Variants in SPTLC2 observed in about 807,000 individuals in gnomAD.
The protein encoded by SPTLC2 is serine palmitoyltransferase 2.
In SPTLC2, 21 loss-of-function variants were observed where a neutral mutation model predicts 62.0. The ratio of observed to expected loss-of-function variants is 0.34; its 90% CI spans 0.24 to 0.49. SPTLC2 has a LOEUF of 0.49. Ranked by LOEUF, SPTLC2 falls within the 20% of genes least tolerant of loss-of-function variation. The pLI, the probability that SPTLC2 is intolerant of heterozygous loss-of-function variation, is 0.99. For synonymous variants in SPTLC2, 261 were observed against 261.8 expected, an observed-to-expected ratio of 1.00 and a Z score of 0.03; for missense variants, 511 against 713.0, an observed-to-expected ratio of 0.72 and a Z score of 3.23.
intron 5 of SPTLC2, among the ~76,000 whole-genome samples, chr14:77,568,807 C>CA (rs35640441): frequency 0.03 from 1,894 of 62,298 alleles, 34 homozygotes; most frequent in African/African-American, 0.074. Context: ...GACTCTGTCT[C>CA]AAAAAAAAAA....
Position 77,579,128 on chromosome 14 carries a change from A to C in SPTLC2, c.328-19T>G, listed in dbSNP as rs1367128563. 1.2e-6 allele frequency: 2 copies of C among 1,613,574 alleles called. No homozygotes were observed. The highest frequency in any genetic ancestry group is 8.5e-7 in the Non-Finnish European group (1 of 1,179,764). On this transcript the variant is annotated intron_variant, in intron 2 of 11. Transcript: ENST00000216484. ...CAAAGTCCTGCCAAGAAATGGTGAC[A>C]TACCATAAATTTAACTGAGTTACTT...
At chr14:77,596,755 A>C (rs919495261) in intron 2 of SPTLC2, among the ~76,000 whole-genome samples, 2 of 152,208 alleles carry the variant, frequency 1.3e-5, no homozygotes, top group Non-Finnish European at 2.9e-5. Flanking sequence ...CTATGAGAAA[A>C]CACATTATTA....
In SPTLC2 at chr14:77,576,925, A is replaced by C; in HGVS notation, c.483-10T>G. ...TATATTCCCTGTATACCTGTGCATC[A>C]ATAGCATAAAACAATGAAACTCATG... On this transcript the variant is annotated splice_polypyrimidine_tract_variant and intron_variant, in intron 3 of 11. Coordinates refer to ENST00000216484, the MANE Select transcript of SPTLC2 (RefSeq NM_004863.4). 1 of 1,614,140 alleles carries C rather than the reference A, an allele frequency of 6.2e-7. No individual in the cohort carries two copies. The highest frequency in any genetic ancestry group is 8.5e-7 in the Non-Finnish European group (1 of 1,180,014).
At chr14:77,558,381 G>T (rs2079596725) in intron 6 of SPTLC2, among the ~76,000 whole-genome samples, 1 of 152,132 alleles carries the variant, frequency 6.6e-6, no homozygotes, top group African/African-American at 2.4e-5. Flanking sequence ...TGTATTGCTT[G>T]TAACTGGAGG....
chr14:77,567,838 T>C (rs944634484), intron 5 of SPTLC2, among the ~76,000 whole-genome samples: 1 of 152,084 alleles, frequency 6.6e-6, no homozygotes, highest in African/African-American at 2.4e-5. Flanking sequence ...CTTTACTTTT[T>C]TTTTTTAAGA....
In SPTLC2 at chr14:77,511,068, G is replaced by GAAAAAAAT. The variant is rs1240495628; in HGVS notation, c.*1208_*1215dup. The GAAAAAAAT allele has an allele frequency of 6.6e-6, 1 of 152,072 alleles. No homozygotes were observed. The highest frequency in any genetic ancestry group is 1.5e-5 in the Non-Finnish European group (1 of 67,974). The allele number at this position is 152,072 out of a possible 1,614,324, so 9.4% of individuals were successfully genotyped here. On this transcript the variant is annotated 3_prime_UTR_variant, in exon 12 of 12. Transcript: ENST00000216484. ...AGATCTATGTGTTCAGAATTTCTCA[G>GAAAAAAAT]AAAAAAATAAAAAATATGTAGACAG...
At chr14:77,611,402 G>A (rs527495321) in intron 1 of SPTLC2, among the ~76,000 whole-genome samples, 12 of 142,738 alleles carry the variant, frequency 8.4e-5, no homozygotes, top group South Asian at 4.4e-4. Context: ...AGTTGAGGCC[G>A]CAGTAAGCTA....
Position 77,531,460 on chromosome 14 carries a change from T to C in SPTLC2, c.1304-9879A>G, listed in dbSNP as rs2079438881. Among the ~76,000 whole-genome samples the C allele has an allele frequency of 2.4e-5, 3 of 125,872 alleles. 1 individual carries two copies. The highest frequency in any genetic ancestry group is 4.9e-5 in the Non-Finnish European group (3 of 61,236). The allele number at this position is 125,872 out of a possible 152,430, so 82.6% of individuals were successfully genotyped here. A position where few individuals can be genotyped will look rare whatever the true frequency, so the allele number is the denominator to read the frequency against. ...CTTCTTCTTCTCCTCCTTCTCCTCC[T>C]CCTCCTCCTCCTCCCCCTCCCCCTC... On this transcript the variant is annotated intron_variant, in intron 9 of 11. Coordinates refer to ENST00000216484, the MANE Select transcript of SPTLC2 (RefSeq NM_004863.4).
intron 9 of SPTLC2, among the ~76,000 whole-genome samples, chr14:77,530,726 G>T (rs2079433997): frequency 6.6e-6 from 1 of 152,086 alleles, no homozygotes; most frequent in South Asian, 2.1e-4. Context: ...GCCCAGTGAG[G>T]TTACATATCT....
At chr14:77,535,303 G>A (rs571249145) in intron 9 of SPTLC2, among the ~76,000 whole-genome samples, 20 of 152,278 alleles carry the variant, frequency 1.3e-4, no homozygotes, top group South Asian at 4.1e-4. Context: ...ATGGAACAGC[G>A]AGTGAGGGGA....
chr14:77,574,281 A>G (rs990410871), intron 4 of SPTLC2, among the ~76,000 whole-genome samples: 1 of 152,210 alleles, frequency 6.6e-6, no homozygotes, highest in Non-Finnish European at 1.5e-5. Context: ...ACCCTAGAGA[A>G]GCTTAAAAAC....
chr14:77,561,243 A>G (rs1485140148), intron 6 of SPTLC2, among the ~76,000 whole-genome samples: 1 of 152,180 alleles, frequency 6.6e-6, no homozygotes, highest in East Asian at 1.9e-4. Flanking sequence ...GGGCACACCC[A>G]GGCACTAACT....
chr14:77,608,028 C>T (rs1177094930), intron 1 of SPTLC2, among the ~76,000 whole-genome samples: 1 of 152,196 alleles, frequency 6.6e-6, no homozygotes, highest in African/African-American at 2.4e-5. Context: ...CACCAACCGG[C>T]GTCTCACAGC....
At chr14:77,577,726 T>C (rs1361362140) in intron 3 of SPTLC2, among the ~76,000 whole-genome samples, 2 of 152,080 alleles carry the variant, frequency 1.3e-5, no homozygotes, top group South Asian at 2.1e-4. Flanking sequence ...AGTGAAACCC[T>C]GTCTCTACTA....
At chr14:77,513,842 T>C (rs2139990312) in intron 11 of SPTLC2, among the ~76,000 whole-genome samples, 1 of 147,572 alleles carries the variant, frequency 6.8e-6, no homozygotes, top group Non-Finnish European at 1.5e-5. Context: ...CTGCGGTGAG[T>C]TGAGTTCATG....
chr14:77,509,944 G>A lies in SPTLC2; in HGVS notation c.*2340C>T. On this transcript the variant is annotated 3_prime_UTR_variant, in exon 12 of 12. Transcript: ENST00000216484. ...TTGAATTTGCAGTGACTTCATGCAA[G>A]CCAAAATAAAAAGACTAGCAGGTAA... 2.5e-6 allele frequency: 1 copy of A among 398,386 alleles called. No homozygotes were observed. The allele number at this position is 398,386 out of a possible 1,614,324, so 24.7% of individuals were successfully genotyped here.
intron 5 of SPTLC2, among the ~76,000 whole-genome samples, chr14:77,569,567 A>G (rs1290795770): frequency 1.3e-5 from 2 of 151,782 alleles, no homozygotes; most frequent in African/African-American, 4.8e-5. Flanking sequence ...AAACAACCAA[A>G]AAACAAAAAC....
At chr14:77,552,548 G>A (rs957936583) in intron 8 of SPTLC2, among the ~76,000 whole-genome samples, 10 of 152,264 alleles carry the variant, frequency 6.6e-5, no homozygotes, top group African/African-American at 2.4e-4. Flanking sequence ...GCTCATGCCT[G>A]TAATCCCAGC....
intron 2 of SPTLC2, among the ~76,000 whole-genome samples, chr14:77,594,826 TAG>T (rs1411970592): frequency 1.3e-5 from 2 of 150,742 alleles, no homozygotes; most frequent in Non-Finnish European, 3.0e-5. Flanking sequence ...GCATCTACAC[TAG>T]GAGAGGTCCC....
Sources: gnomAD v4.1 joint callset for allele counts (sites outside exome capture counted in the v4.1 genomes callset) on GRCh38, gnomAD v4.1.1 for gene constraint, MANE v1.5 for transcripts, NCBI Gene and HGNC (gene_info 2026-07-23, HGNC 2026-07-21) for gene names.